NRXN3: variants seen among roughly 807,000 people sequenced by gnomAD.
NRXN3 encodes neurexin III.
NRXN3 carries 32 observed loss-of-function variants against 137.6 expected under a neutral mutation model. The ratio of observed to expected loss-of-function variants is 0.23; its 90% CI spans 0.18 to 0.31. NRXN3 has a LOEUF of 0.31. NRXN3 is among the 10% of genes least tolerant of loss of function. NRXN3 has a pLI of 1.00. For synonymous variants in NRXN3, 798 were observed against 784.5 expected, an observed-to-expected ratio of 1.02 and a Z score of -0.29; for missense variants, 1,574 against 2,062.5, an observed-to-expected ratio of 0.76 and a Z score of 4.59.
intron 16 of NRXN3, among the ~76,000 whole-genome samples, chr14:79,570,297 C>A (rs2097586617): frequency 6.6e-6 from 1 of 152,170 alleles, no homozygotes; most frequent in African/African-American, 2.4e-5. Context: ...ATGCTGCCTT[C>A]TATGCTCCCC....
intron 15 of NRXN3, among the ~76,000 whole-genome samples, chr14:79,021,910 G>A (rs2099590352): frequency 6.6e-6 from 1 of 152,182 alleles, no homozygotes; most frequent in African/African-American, 2.4e-5. Context: ...GTGGCATAGT[G>A]TTGGGTGATT....
chr14:79,140,438 T>C (rs2058678972), intron 15 of NRXN3, among the ~76,000 whole-genome samples: 1 of 152,114 alleles, frequency 6.6e-6, no homozygotes, highest in African/African-American at 2.4e-5. Flanking sequence ...CAAAATACCT[T>C]CCAATGAGGT....
At chr14:78,365,105 G>A (rs1050881487) in intron 4 of NRXN3, among the ~76,000 whole-genome samples, 1 of 151,706 alleles carries the variant, frequency 6.6e-6, no homozygotes, top group African/African-American at 2.4e-5. Context: ...TTTATATTTT[G>A]ATGTAGGTTT....
intron 16 of NRXN3, among the ~76,000 whole-genome samples, chr14:79,606,583 T>G (rs1386677313): frequency 6.6e-6 from 1 of 152,224 alleles, no homozygotes; most frequent in Non-Finnish European, 1.5e-5. Flanking sequence ...CTAGATTTTA[T>G]AAGGTATTAT....
chr14:79,397,558 A>G (rs2095062148), intron 15 of NRXN3, among the ~76,000 whole-genome samples: 1 of 152,216 alleles, frequency 6.6e-6, no homozygotes, highest in Non-Finnish European at 1.5e-5. Context: ...TGTAAGGTTG[A>G]ATAACAACAC....
intron 10 of NRXN3, among the ~76,000 whole-genome samples, chr14:78,826,419 C>T (rs1206192688): frequency 6.6e-6 from 1 of 152,066 alleles, no homozygotes; most frequent in African/African-American, 2.4e-5. Context: ...AGCCAAGGCT[C>T]CAAGTCCCTG....
intron 16 of NRXN3, among the ~76,000 whole-genome samples, chr14:79,635,394 C>A (rs559357884): frequency 6.6e-6 from 1 of 152,270 alleles, no homozygotes; most frequent in African/African-American, 2.4e-5. Flanking sequence ...ATTATTTAAG[C>A]CTATGCAATC....
intron 16 of NRXN3, among the ~76,000 whole-genome samples, chr14:79,537,791 C>A (rs1228894269): frequency 7.9e-5 from 12 of 152,110 alleles, no homozygotes; most frequent in Admixed American, 7.9e-4. Context: ...ATTTATAATC[C>A]TTTGGGTATA....
chr14:78,404,903 G>A (rs1002297135), intron 4 of NRXN3, among the ~76,000 whole-genome samples: 1 of 152,134 alleles, frequency 6.6e-6, no homozygotes, highest in Non-Finnish European at 1.5e-5. Context: ...CAAACACAGG[G>A]TCTCTCTGCC....
intron 10 of NRXN3, among the ~76,000 whole-genome samples, chr14:78,898,423 A>T (rs927077563): frequency 1.3e-5 from 2 of 151,932 alleles, no homozygotes; most frequent in African/African-American, 4.8e-5. Flanking sequence ...TGATGATACG[A>T]ATTGTGTTGG....
At chr14:79,412,162 T>C (rs2095426058) in intron 15 of NRXN3, among the ~76,000 whole-genome samples, 1 of 152,124 alleles carries the variant, frequency 6.6e-6, no homozygotes, top group South Asian at 2.1e-4. Context: ...CAAGTATATA[T>C]GGTCCTGGCT....
rs562264697 is a variant in NRXN3, at chr14:78,771,144, G to A, written c.2045-32476G>A. Among the ~76,000 whole-genome samples, 148 of 152,350 alleles carry A rather than the reference G, an allele frequency of 9.7e-4. 1 individual carries two copies. Among genetic ancestry groups the A allele is most frequent in the Middle Eastern group, 3.4e-3 (1 of 294 alleles). On this transcript the variant is annotated intron_variant, in intron 8 of 20. Coordinates refer to ENST00000335750, the MANE Select transcript of NRXN3 (RefSeq NM_001330195.2). ...CTTCAGAGGTGGCACCGCTGAGCAA[G>A]ACCAGGCAACTCAGGCTCTAATGGG... is the stretch of plus-strand genomic sequence containing the variant.
chr14:79,059,527 G>T (rs2152649204), intron 15 of NRXN3, among the ~76,000 whole-genome samples: 1 of 152,154 alleles, frequency 6.6e-6, no homozygotes, highest in Non-Finnish European at 1.5e-5. Context: ...AAAGTGCTGG[G>T]ATTACAGGCA....
Position 79,254,494 on chromosome 14 carries a change from A to G in NRXN3, c.3263-212727A>G, listed in dbSNP as rs374816277. 4.6e-5 allele frequency among the ~76,000 whole-genome samples: 7 copies of G among 151,478 alleles called. No homozygotes were observed. In the East Asian group the frequency reaches 1.2e-3, roughly 25 times the overall value. ...CCTCTTCACTCTGCTCCATAGGCTC[A>G]AGCAGAAAAAATGGGAGACATTGTA... On this transcript the variant is annotated intron_variant, in intron 15 of 20. Transcript: ENST00000335750.
At chr14:78,499,613 C>T (rs2095848043) in intron 4 of NRXN3, among the ~76,000 whole-genome samples, 2 of 152,196 alleles carry the variant, frequency 1.3e-5, no homozygotes, top group East Asian at 1.9e-4. Context: ...CTGGGCACAG[C>T]TTAGCTGGAT....
intron 4 of NRXN3, among the ~76,000 whole-genome samples, chr14:78,379,288 C>G (rs1309462190): frequency 6.6e-6 from 1 of 152,090 alleles, no homozygotes; most frequent in Non-Finnish European, 1.5e-5. Flanking sequence ...CTCTGATACC[C>G]AAAACCAGAC....
chr14:79,464,172 T>G (rs774570633), intron 15 of NRXN3, among the ~76,000 whole-genome samples: 3 of 152,124 alleles, frequency 2.0e-5, no homozygotes, highest in Non-Finnish European at 2.9e-5. Context: ...TTCAGGGCCT[T>G]TATTCACTCT....
chr14:78,184,695 C>CTA (rs551032100), intron 1 of NRXN3, among the ~76,000 whole-genome samples: 250 of 152,286 alleles, frequency 1.6e-3, no homozygotes, highest in African/African-American at 5.8e-3. Flanking sequence ...AATGTAAAGC[C>CTA]TATGGCTAGC....
rs983312742 is a variant in NRXN3 at position 78,712,889 on chromosome 14, C to T, written c.1661-1867C>T. On this transcript the variant is annotated intron_variant, in intron 7 of 20. Transcript: ENST00000335750. ...ACTTTGTACTTTAAAGTGTATGTTT[C>T]ATTCTTGATCACGTCTGATCTTCGC... 5.9e-5 allele frequency among the ~76,000 whole-genome samples: 9 copies of T among 152,318 alleles called. No individual in the cohort carries two copies. In the East Asian group the frequency reaches 1.7e-3, roughly 29 times the overall value.
Sources: gnomAD v4.1 joint callset for allele counts (sites outside exome capture counted in the v4.1 genomes callset) on GRCh38, gnomAD v4.1.1 for gene constraint, MANE v1.5 for transcripts, NCBI Gene and HGNC (gene_info 2026-07-23, HGNC 2026-07-21) for gene names.